NLGN2: variants seen among roughly 807,000 people sequenced by gnomAD.
NLGN2 encodes neuroligin 2.
Under a neutral mutation model 48.6 loss-of-function variants are expected in NLGN2, and 11 were observed. That is an observed-to-expected ratio of 0.23 (90% confidence interval 0.14 to 0.37). The LOEUF (loss-of-function observed/expected upper bound fraction) is 0.37. Ranked by LOEUF, NLGN2 falls within the 10% of genes least tolerant of loss-of-function variation. NLGN2 has a pLI of 1.00. For missense variants in NLGN2, 801 were observed against 1,225.2 expected (o/e 0.65, Z 5.17); for synonymous variants, 548 against 550.0 (o/e 1.00, Z 0.05).
Position 7,415,735 on chromosome 17 carries a change from C to T in NLGN2, c.1262C>T (p.Pro421Leu), listed in dbSNP as rs1907074907. The T allele has an allele frequency of 1.2e-6, 2 of 1,614,214 alleles. No homozygotes were observed. Among genetic ancestry groups the T allele is most frequent in the Non-Finnish European group, 1.7e-6 (2 of 1,180,038 alleles). The change falls in exon 6 of 7, where the codon CCG becomes CTG. Residue 421 changes from proline (P) to leucine (L), a missense_variant. Physicochemically the swap from Pro to Leu is moderately conservative, Grantham distance 98. Around this residue, in one of 5 missense-constraint regions of NLGN2, gnomAD observed 303 missense variants for 600.1 expected, o/e 0.50. Transcript: ENST00000302926. The stretch of plus-strand genomic sequence containing the variant: ...TTTGTGGACAACCTGTATGGCTACC[C>T]GGAAGGCAAGGATGTGCTTCGGGAG... ...SNFVDNLYGYPEGKDVLRETI... is the reference protein window; with the variant it reads ...SNFVDNLYGYLEGKDVLRETI...
chr17:7,417,903 A>C lies in NLGN2; in HGVS notation c.*104A>C. ...GGCTTTTCTCCTGTGGAGTCGTCAC[A>C]CGCCATCCAGCAGCGCTAAGGTGGA... On this transcript the variant is annotated 3_prime_UTR_variant, in exon 7 of 7. Transcript: ENST00000302926. 9.0e-7 allele frequency: 1 copy of C among 1,115,348 alleles called. No individual in the cohort carries two copies. Among genetic ancestry groups the C allele is most frequent in the Non-Finnish European group, 1.2e-6 (1 of 860,356 alleles). The allele number at this position is 1,115,348 out of a possible 1,614,324, so 69.1% of individuals were successfully genotyped here. A position where few individuals can be genotyped will look rare whatever the true frequency, so the allele number is the denominator to read the frequency against.
chr17:7,416,979 A>T lies in NLGN2; in HGVS notation c.1688A>T (p.Asn563Ile). 1.2e-6 allele frequency: 2 copies of T among 1,614,056 alleles called. No homozygotes were observed. Among genetic ancestry groups the T allele is most frequent in the Non-Finnish European group, 1.7e-6 (2 of 1,179,978 alleles). ...ACCAAGTTCATCCACACCAAGCCCA[A>T]TCGCTTCGAGGAGGTGGTGTGGAGC... ...QDTKFIHTKP[N>I]RFEEVVWSKF... is the part of the protein sequence containing the mutation. The change falls in exon 7 of 7, where the codon AAT (asparagine) becomes ATT (isoleucine). Residue 563 changes from asparagine to isoleucine, a missense_variant. Asn to Ile is a moderately radical substitution (Grantham distance 149, BLOSUM62 -3). Coordinates refer to ENST00000302926, the MANE Select transcript of NLGN2 (RefSeq NM_020795.4).
intron 1 of NLGN2, among the ~76,000 whole-genome samples, chr17:7,409,877 A>C (rs1195076928): frequency 6.6e-6 from 1 of 152,110 alleles, no homozygotes; most frequent in African/African-American, 2.4e-5. Context: ...ACACACCCCC[A>C]GTACATCTCT....
chr17:7,406,201 G>A (rs1486927829), upstream of NLGN2, among the ~76,000 whole-genome samples: 1 of 152,104 alleles, frequency 6.6e-6, no homozygotes, highest in Non-Finnish European at 1.5e-5. Flanking sequence ...GAAGGCAAGA[G>A]CTGGGGCAAG....
At chr17:7,410,481 G>T (rs564714080) in intron 1 of NLGN2, among the ~76,000 whole-genome samples, 1 of 151,634 alleles carries the variant, frequency 6.6e-6, no homozygotes, top group South Asian at 2.1e-4. Flanking sequence ...CCATCCCAGC[G>T]CCTGCCCCAT....
chr17:7,412,094 C>G (rs1195431436), intron 1 of NLGN2, 63 bp from the exon 2 acceptor site: 3 of 1,104,048 alleles, frequency 2.7e-6, no homozygotes, highest in South Asian at 1.3e-5. Flanking sequence ...ACCACCTCCC[C>G]CCGACCCCCA....
Position 7,411,592 on chromosome 17 carries a change from G to A in NLGN2, c.458-565G>A, listed in dbSNP as rs745743331. On this transcript the variant is annotated intron_variant, in intron 1 of 6. Transcript: ENST00000302926. The surrounding 1 kb of genome is among the most constrained non-coding windows in gnomAD (Gnocchi z 4.5). ...GCTGCCCCCCAACCCTGTCCTGCTCGCTGCCCTGCAGAGTGGTCCAGAGGG... is the reference window on the plus strand; with the variant it reads ...GCTGCCCCCCAACCCTGTCCTGCTCACTGCCCTGCAGAGTGGTCCAGAGGG... Among the ~76,000 whole-genome samples, 3 of 152,190 alleles carry A rather than the reference G, an allele frequency of 2.0e-5. No individual in the cohort carries two copies. Among genetic ancestry groups the A allele is most frequent in the Admixed American group, 6.5e-5 (1 of 15,282 alleles).
In NLGN2 at chr17:7,411,742, C is replaced by T. The variant is rs1212470609; in HGVS notation, c.458-415C>T. Among the ~76,000 whole-genome samples the T allele has an allele frequency of 1.3e-5, 2 of 152,208 alleles. No individual in the cohort carries two copies. Among genetic ancestry groups the T allele is most frequent in the African/African-American group, 2.4e-5 (1 of 41,446 alleles). On this transcript the variant is annotated intron_variant, in intron 1 of 6. Coordinates refer to ENST00000302926, the MANE Select transcript of NLGN2 (RefSeq NM_020795.4). The surrounding 1 kb of genome is among the most constrained non-coding windows in gnomAD (Gnocchi z 4.5). The stretch of plus-strand genomic sequence containing the variant: ...GCCTGGGTGGCAAGCTGGCCTTGGT[C>T]TCCCAGGGGCTCTGGGTGGGCTTCC...
At position 7,413,623 on chromosome 17, in the gene NLGN2, G is replaced by C. The variant is rs1407276559; in HGVS notation, c.509-721G>C. Among the ~76,000 whole-genome samples, 4 of 152,156 alleles carry C rather than the reference G, an allele frequency of 2.6e-5. No individual in the cohort carries two copies. The highest frequency in any genetic ancestry group is 2.1e-4 in the South Asian group (1 of 4,830). On this transcript the variant is annotated intron_variant, in intron 2 of 6. Transcript: ENST00000302926. The surrounding 1 kb of genome is among the most constrained non-coding windows in gnomAD (Gnocchi z 4.9). ...GTGGCAGTGATCAGGGGATCCTCAGGGGGTATGGCGGGAAGGAGCCCAGTG... is the reference window on the plus strand; with the variant it reads ...GTGGCAGTGATCAGGGGATCCTCAGCGGGTATGGCGGGAAGGAGCCCAGTG...
intron 2 of NLGN2, 119 bp downstream of exon 2, chr17:7,412,326 T>A: frequency 4.0e-6 from 3 of 747,724 alleles, no homozygotes; most frequent in South Asian, 1.6e-5. Context: ...CCAACTAAAA[T>A]GAAAAAGAAA....
At chr17:7,405,374 G>T (rs545940326), upstream of NLGN2, 1 of 152,272 alleles carries the variant, frequency 6.6e-6, no homozygotes, top group Non-Finnish European at 1.5e-5. The surrounding 1 kb of genome is among the most constrained non-coding windows in gnomAD (Gnocchi z 6.8). Flanking sequence ...GGGGTTCCCT[G>T]TTCTCGGGCT....
chr17:7,415,305 A>G (rs765352759), intron 5 of NLGN2, among the ~76,000 whole-genome samples, 157 bp downstream of exon 5: 5 of 152,228 alleles, frequency 3.3e-5, no homozygotes, highest in Non-Finnish European at 5.9e-5. Context: ...GAGGTGCTCA[A>G]TCAGAGCAGG....
Position 7,419,156 on chromosome 17 carries a change from G to A in NLGN2, c.*1357G>A, listed in dbSNP as rs900893909. 1.3e-5 allele frequency: 2 copies of A among 152,274 alleles called. No individual in the cohort carries two copies. The highest frequency in any genetic ancestry group is 4.8e-5 in the African/African-American group (2 of 41,322). 9.4% of individuals were successfully genotyped at this position (152,274 alleles called of 1,614,324 possible). On this transcript the variant is annotated 3_prime_UTR_variant, in exon 7 of 7. Coordinates refer to ENST00000302926, the MANE Select transcript of NLGN2 (RefSeq NM_020795.4). ...CTCCTCTGACCCACGCCCCCTCCTT[G>A]TCTGAAAGAAAGGAGCCTTGAATGG... is the stretch of plus-strand genomic sequence containing the variant.
In NLGN2 at chr17:7,411,611, C is replaced by G. The variant is rs535450132; in HGVS notation, c.458-546C>G. ...CTGCTCGCTGCCCTGCAGAGTGGTC[C>G]AGAGGGAAGCAGAGTCTTTTCTGCG... On this transcript the variant is annotated intron_variant, in intron 1 of 6. Transcript: ENST00000302926. This position sits in a 1 kb window ranked among gnomAD's most constrained non-coding sequence, Gnocchi z 4.5. Among the ~76,000 whole-genome samples, 1 of 152,312 alleles carries G rather than the reference C, an allele frequency of 6.6e-6. No individual in the cohort carries two copies. Among genetic ancestry groups the G allele is most frequent in the Non-Finnish European group, 1.5e-5 (1 of 68,004 alleles).
chr17:7,414,568 C>T, intron 3 of NLGN2, 75 bp downstream of exon 3: 1 of 1,611,396 alleles, frequency 6.2e-7, no homozygotes, highest in South Asian at 1.1e-5. Flanking sequence ...TCCTCCACAT[C>T]CAGCAGAATG....
Position 7,413,105 on chromosome 17 carries a change from A to AAAGTG in NLGN2, c.508+898_508+899insAAGTG, listed in dbSNP as rs1906965957. Among the ~76,000 whole-genome samples the AAAGTG allele has an allele frequency of 6.6e-6, 1 of 152,228 alleles. No homozygotes were observed. The highest frequency in any genetic ancestry group is 1.5e-5 in the Non-Finnish European group (1 of 68,044). ...TCCGGCCTGAAAGTGCTGGGAGGTC[A>AAAGTG]CTTGAGGTTCAGGAGCAAAGGAGAG... On this transcript the variant is annotated intron_variant, in intron 2 of 6. Coordinates refer to ENST00000302926, the MANE Select transcript of NLGN2 (RefSeq NM_020795.4). The surrounding 1 kb of genome is among the most constrained non-coding windows in gnomAD (Gnocchi z 4.9).
chr17:7,413,478 G>A lies in NLGN2; in HGVS notation c.509-866G>A, dbSNP rs1906978843. On this transcript the variant is annotated intron_variant, in intron 2 of 6. Transcript: ENST00000302926. This position sits in a 1 kb window ranked among gnomAD's most constrained non-coding sequence, Gnocchi z 4.9. Reference sequence around the variant, plus strand: ...CCTAGCACTATGGCTGAATCATGGGGAGCTGCAGGGGAGGATACTGTAGCC... The same window carrying A: ...CCTAGCACTATGGCTGAATCATGGGAAGCTGCAGGGGAGGATACTGTAGCC... Among the ~76,000 whole-genome samples, 1 of 152,164 alleles carries A rather than the reference G, an allele frequency of 6.6e-6. No homozygotes were observed. The highest frequency in any genetic ancestry group is 1.5e-5 in the Non-Finnish European group (1 of 68,018).
In NLGN2 at chr17:7,415,805, C is replaced by T. The variant is rs145633225; in HGVS notation, c.1332C>T (p.Gly444=). 2,057 of 1,613,950 alleles carry T rather than the reference C, an allele frequency of 1.3e-3. 1 individual carries two copies. The highest frequency in any genetic ancestry group is 1.6e-3 in the Non-Finnish European group (1,889 of 1,180,020). Residue 444 remains glycine, a synonymous_variant, in exon 6 of 7, where the codon GGC becomes GGT. Transcript: ENST00000302926. ...CAGACTGGGCCGACCGGGACAATGG[C>T]GAAATGCGCCGCAAAACCCTGCTGG... is the stretch of plus-strand genomic sequence containing the variant. ...MYTDWADRDN[G]EMRRKTLLAL... is the part of the protein sequence containing the mutation.
In NLGN2 at chr17:7,408,366, C is replaced by A; in HGVS notation, c.111C>A (p.Gly37=). The A allele has an allele frequency of 6.7e-7, 1 of 1,499,810 alleles. No individual in the cohort carries two copies. The highest frequency in any genetic ancestry group is 8.9e-7 in the Non-Finnish European group (1 of 1,128,482). The allele number at this position is 1,499,810 out of a possible 1,614,324, so 92.9% of individuals were successfully genotyped here. Residue 37 remains glycine, a synonymous_variant, in exon 1 of 7, where the codon GGC becomes GGA. Coordinates refer to ENST00000302926, the MANE Select transcript of NLGN2 (RefSeq NM_020795.4). The surrounding 1 kb of genome is among the most constrained non-coding windows in gnomAD (Gnocchi z 7.5). ...CCGGCCTGGGCCTCGGCAGCCTCGG[C>A]GAGGAGCGCTTCCCGGTGGTGAACA... ...GGPGLGLGSL[G]EERFPVVNTA...
Sources: gnomAD v4.1 joint callset for allele counts (sites outside exome capture counted in the v4.1 genomes callset) on GRCh38, gnomAD v4.1.1 for gene constraint, gnomAD v4.1.1 regional missense constraint, Gnocchi (gnomAD v3.1) non-coding constraint, MANE v1.5 for transcripts, NCBI Gene and HGNC (gene_info 2026-07-23, HGNC 2026-07-21) for gene names.